The following POT1 variants were observed in gnomAD, a reference collection of about 807,000 sequenced individuals.
POT1 encodes the protein protection of telomeres 1, also known as protection of telomeres protein 1.
POT1 carries 47 observed loss-of-function variants against 78.5 expected under a neutral mutation model. The observed-to-expected ratio is 0.60, with a 90% CI of 0.47 to 0.76. The LOEUF (loss-of-function observed/expected upper bound fraction) is 0.76, where lower values mean the gene tolerates loss of function less well. POT1 is among the 30% of genes least tolerant of loss of function. The probability of loss-of-function intolerance (pLI) is 0.00; values close to 1 mark genes in which losing one functional copy is unlikely to be tolerated. For missense variants in POT1, 646 were observed against 749.9 expected, an observed-to-expected ratio of 0.86 and a Z score of 1.62; for synonymous variants, 259 against 260.7, an observed-to-expected ratio of 0.99 and a Z score of 0.06.
chr7:124,914,013 T>C (rs1183290606), intron 3 of POT1, among the ~76,000 whole-genome samples: 3 of 151,646 alleles, frequency 2.0e-5, no homozygotes, highest in Non-Finnish European at 2.9e-5. Flanking sequence ...TACGCGTCTG[T>C]AGTCCCAGCT....
intron 2 of POT1, among the ~76,000 whole-genome samples, chr7:124,928,222 A>G (rs1797322167): frequency 6.6e-6 from 1 of 152,198 alleles, no homozygotes; most frequent in Non-Finnish European, 1.5e-5. Flanking sequence ...CCTCTTAACT[A>G]AACATCTTTC....
intron 4 of POT1, 136 bp from the exon 5 acceptor site, chr7:124,897,348 C>A: frequency 6.3e-5 from 22 of 348,418 alleles, no homozygotes; most frequent in South Asian, 3.8e-4. Flanking sequence ...TTATGGCTTA[C>A]AAATTAAAAG....
rs1584746419 is a variant in POT1, at chr7:124,825,310, G to C, written c.1734C>G (p.Asp578Glu). ...IPASEVLMDD[D>E]LQKSVDMIMD... ...TGATCATATCCACACTTTTCTGAAG[G>C]TCATCATCCATCAGAACTTCTGATG... Residue 578 changes from aspartate to glutamate, a missense_variant, in exon 18 of 19, where the codon GAC becomes GAG. Around this residue, in one of 2 missense-constraint regions of POT1, gnomAD observed 394 missense variants for 408.4 expected, o/e 0.96. Transcript: ENST00000357628. 1 of 1,610,444 alleles carries C rather than the reference G, an allele frequency of 6.2e-7. No individual in the cohort carries two copies. The highest frequency in any genetic ancestry group is 8.5e-7 in the Non-Finnish European group (1 of 1,178,336).
chr7:124,896,108 CAAA>C (rs1004148325), intron 5 of POT1, among the ~76,000 whole-genome samples: 10 of 151,094 alleles, frequency 6.6e-5, no homozygotes, highest in Non-Finnish European at 1.3e-4. Flanking sequence ...ACAAGAAACT[CAAA>C]AACAGTAACT....
intron 13 of POT1, 60 bp downstream of exon 13, chr7:124,842,747 A>G: frequency 1.5e-6 from 2 of 1,304,464 alleles, no homozygotes; most frequent in Non-Finnish European, 2.1e-6. Context: ...AATTATACAT[A>G]TGTGTACATA....
intron 3 of POT1, among the ~76,000 whole-genome samples, chr7:124,898,769 T>G (rs574101457): frequency 6.6e-6 from 1 of 152,156 alleles, no homozygotes; most frequent in Non-Finnish European, 1.5e-5. Flanking sequence ...CTCCACATAT[T>G]ACAAAACTAA....
At chr7:124,867,678 G>T (rs565338782) in intron 7 of POT1, among the ~76,000 whole-genome samples, 27 of 151,738 alleles carry the variant, frequency 1.8e-4, no homozygotes, top group African/African-American at 6.5e-4. Context: ...ATGGAGTCGT[G>T]CTCTGTCACC....
intron 14 of POT1, among the ~76,000 whole-genome samples, chr7:124,838,323 GGTTA>G (rs1403189856): frequency 6.6e-6 from 1 of 151,188 alleles, no homozygotes; most frequent in Non-Finnish European, 1.5e-5. Flanking sequence ...GAGGATACAA[GGTTA>G]ATTAAAAAAA....
intron 7 of POT1, 97 bp from the exon 8 acceptor site, chr7:124,863,737 G>T (rs1795656904): frequency 2.0e-6 from 2 of 1,015,268 alleles, no homozygotes; most frequent in Admixed American, 2.4e-5. Context: ...TATCAATTTT[G>T]CCAGCATAAT....
chr7:124,924,863 A>G (rs78904879), intron 2 of POT1, among the ~76,000 whole-genome samples: 1 of 152,214 alleles, frequency 6.6e-6, no homozygotes, highest in African/African-American at 2.4e-5. Context: ...GACAAAAACC[A>G]GATGATCATC....
At chr7:124,906,336 C>T (rs1355906995) in intron 3 of POT1, among the ~76,000 whole-genome samples, 1 of 151,944 alleles carries the variant, frequency 6.6e-6, no homozygotes, top group Non-Finnish European at 1.5e-5. Context: ...CATGTCCTTT[C>T]TAAGGACATG....
At chr7:124,882,567 T>C (rs1796144024) in intron 6 of POT1, among the ~76,000 whole-genome samples, 1 of 152,018 alleles carries the variant, frequency 6.6e-6, no homozygotes, top group African/African-American at 2.4e-5. Context: ...ATTAGATAGA[T>C]GTTAGACATT....
At chr7:124,895,277 TAAAGATAACTTG>T (rs1170961093) in intron 5 of POT1, among the ~76,000 whole-genome samples, 2 of 151,654 alleles carry the variant, frequency 1.3e-5, no homozygotes, top group Non-Finnish European at 3.0e-5. Flanking sequence ...CATGATATAC[TAAAGATAACTTG>T]ATAGCATTAT....
chr7:124,905,717 A>C (rs1422110099), intron 3 of POT1, among the ~76,000 whole-genome samples: 3 of 152,222 alleles, frequency 2.0e-5, no homozygotes, highest in African/African-American at 7.2e-5. Flanking sequence ...GAATGGGAGA[A>C]TATTTTTGCA....
intron 6 of POT1, among the ~76,000 whole-genome samples, chr7:124,874,764 T>C (rs1584780348): frequency 8.2e-6 from 1 of 122,184 alleles, no homozygotes; most frequent in Admixed American, 8.6e-5. Context: ...AGAAAGAAAA[T>C]GAGGTTAGGA....
intron 7 of POT1, among the ~76,000 whole-genome samples, chr7:124,865,131 C>T (rs536784910): frequency 6.6e-6 from 1 of 152,004 alleles, no homozygotes; most frequent in Non-Finnish European, 1.5e-5. Context: ...AAACTTACTT[C>T]TTTGTTCTCT....
chr7:124,855,931 T>C (rs1444434981), intron 9 of POT1, among the ~76,000 whole-genome samples: 2 of 152,102 alleles, frequency 1.3e-5, no homozygotes, highest in Non-Finnish European at 2.9e-5. Flanking sequence ...AGTAAAGCTT[T>C]AGTTTCCAGA....
chr7:124,911,642 G>A lies in POT1; in HGVS notation c.-154+3932C>T, dbSNP rs566232337. Among the ~76,000 whole-genome samples the A allele has an allele frequency of 8.4e-4, 128 of 152,148 alleles. 1 individual carries two copies. Among genetic ancestry groups the A allele is most frequent in the African/African-American group, 2.9e-3 (120 of 41,540 alleles). ...AGCATTGCAGATGGAAAACTAACAC[G>A]ACACTGATTTTCCTTTTCTTTGTTC... On this transcript the variant is annotated intron_variant, in intron 3 of 18. Coordinates refer to ENST00000357628, the MANE Select transcript of POT1 (RefSeq NM_015450.3).
At chr7:124,868,725 GAATATAATTCA>G (rs1795792383) in intron 7 of POT1, among the ~76,000 whole-genome samples, 1 of 149,278 alleles carries the variant, frequency 6.7e-6, no homozygotes. Context: ...TGGATTATTT[GAATATAATTCA>G]AATATAATTC....
Sources: gnomAD v4.1 joint callset for allele counts (sites outside exome capture counted in the v4.1 genomes callset) on GRCh38, gnomAD v4.1.1 for gene constraint, gnomAD v4.1.1 regional missense constraint, MANE v1.5 for transcripts, NCBI Gene and HGNC (gene_info 2026-07-23, HGNC 2026-07-21) for gene names.